PRKD1: variants seen among roughly 807,000 people sequenced by gnomAD.
The protein encoded by PRKD1 is serine/threonine-protein kinase D1.
In PRKD1, 63 loss-of-function variants were observed where a neutral mutation model predicts 95.9. That is an observed-to-expected ratio of 0.66 (90% CI 0.54 to 0.81). The LOEUF (loss-of-function observed/expected upper bound fraction) is 0.81. Ranked by LOEUF, PRKD1 falls within the 30% of genes least tolerant of loss-of-function variation. The pLI is 0.00. For synonymous variants in PRKD1, 425 were observed against 423.1 expected, an observed-to-expected ratio of 1.00 and a Z score of -0.05; for missense variants, 1,048 against 1,165.3, an observed-to-expected ratio of 0.90 and a Z score of 1.47.
intron 4 of PRKD1, among the ~76,000 whole-genome samples, chr14:29,648,296 A>G (rs919283759): frequency 6.9e-6 from 1 of 144,906 alleles, no homozygotes; most frequent in Non-Finnish European, 1.5e-5. Flanking sequence ...GAGCACCACA[A>G]TTTTTTTTTT....
At chr14:29,826,852 T>TACAC (rs1311567989) in intron 1 of PRKD1, among the ~76,000 whole-genome samples, 21 of 92,750 alleles carry the variant, frequency 2.3e-4, no homozygotes, top group Non-Finnish European at 2.7e-4. Flanking sequence ...CACATATATA[T>TACAC]ATATATATAT....
At chr14:29,798,432 T>C (rs1005467053) in intron 1 of PRKD1, among the ~76,000 whole-genome samples, 1 of 152,200 alleles carries the variant, frequency 6.6e-6, no homozygotes, top group Non-Finnish European at 1.5e-5. Context: ...TCTAAAAATC[T>C]TGATGAGTGA....
chr14:29,744,972 C>T, intron 1 of PRKD1, among the ~76,000 whole-genome samples: 1 of 152,302 alleles, frequency 6.6e-6, no homozygotes, highest in East Asian at 1.9e-4. Flanking sequence ...GCCACCTCAT[C>T]TTCTTCTACC....
chr14:29,607,613 A>T lies in PRKD1; in HGVS notation c.1906-7796T>A, dbSNP rs1272581072. The stretch of plus-strand genomic sequence containing the variant: ...AATTCCTCATGATGTTGCTCCCCAC[A>T]TCTAACCAGCTACTGCGTGTGGAGT... On this transcript the variant is annotated intron_variant, in intron 13 of 17. Transcript: ENST00000331968. Among the ~76,000 whole-genome samples, 3 of 152,140 alleles carry T rather than the reference A, an allele frequency of 2.0e-5. No homozygotes were observed. In the East Asian group the frequency reaches 5.8e-4, roughly 29 times the overall value.
chr14:29,774,281 G>T (rs1888638560), intron 1 of PRKD1, among the ~76,000 whole-genome samples: 1 of 152,110 alleles, frequency 6.6e-6, no homozygotes, highest in East Asian at 1.9e-4. Flanking sequence ...TTATATTTAA[G>T]AAATAATTTT....
intron 1 of PRKD1, among the ~76,000 whole-genome samples, chr14:29,882,874 T>C (rs1893562786): frequency 7.0e-6 from 1 of 142,538 alleles, no homozygotes; most frequent in Non-Finnish European, 1.5e-5. Flanking sequence ...TGTGTGTGTG[T>C]GCACGTGTAT....
chr14:29,782,552 T>C (rs973783214), intron 1 of PRKD1, among the ~76,000 whole-genome samples: 1 of 152,178 alleles, frequency 6.6e-6, no homozygotes, highest in Non-Finnish European at 1.5e-5. Flanking sequence ...GCTTTTTTGA[T>C]ACAGGGTCTC....
chr14:29,915,773 G>A (rs1160264690), intron 1 of PRKD1, among the ~76,000 whole-genome samples: 1 of 152,176 alleles, frequency 6.6e-6, no homozygotes, highest in Admixed American at 6.5e-5. Context: ...ACAATAGGAA[G>A]ATTTAAATTT....
At chr14:29,848,290 T>C (rs1002720662) in intron 1 of PRKD1, among the ~76,000 whole-genome samples, 1 of 151,854 alleles carries the variant, frequency 6.6e-6, no homozygotes, top group Non-Finnish European at 1.5e-5. Flanking sequence ...ATTGCACCTC[T>C]CCCCACTCTC....
chr14:29,802,820 C>T (rs1461838249), intron 1 of PRKD1, among the ~76,000 whole-genome samples: 1 of 152,176 alleles, frequency 6.6e-6, no homozygotes, highest in African/African-American at 2.4e-5. Flanking sequence ...ATCTGCTTTG[C>T]AGACATCTTG....
chr14:29,869,612 A>C (rs1184256097), intron 1 of PRKD1, among the ~76,000 whole-genome samples: 1 of 152,186 alleles, frequency 6.6e-6, no homozygotes, highest in Admixed American at 6.6e-5. Flanking sequence ...TTGACACCAC[A>C]AGAGAATTAG....
chr14:29,829,938 T>TA (rs879606087), intron 1 of PRKD1, among the ~76,000 whole-genome samples: 3 of 152,186 alleles, frequency 2.0e-5, no homozygotes, highest in Non-Finnish European at 2.9e-5. Context: ...GCTTTTGTAA[T>TA]AAAAAAATAT....
intron 1 of PRKD1, among the ~76,000 whole-genome samples, chr14:29,766,233 C>G (rs1566588209): frequency 1.3e-5 from 2 of 152,114 alleles, no homozygotes; most frequent in African/African-American, 2.4e-5. Flanking sequence ...TTGGTTCTTA[C>G]TATACAATGC....
intron 1 of PRKD1, among the ~76,000 whole-genome samples, chr14:29,781,452 C>T (rs1889041113): frequency 6.6e-6 from 1 of 152,130 alleles, no homozygotes; most frequent in African/African-American, 2.4e-5. Flanking sequence ...GTCATGCCAT[C>T]AGTTCAGCTA....
At chr14:29,772,443 G>A (rs1295410050) in intron 1 of PRKD1, among the ~76,000 whole-genome samples, 1 of 152,096 alleles carries the variant, frequency 6.6e-6, no homozygotes, top group African/African-American at 2.4e-5. Context: ...GGACTTGTGA[G>A]CAATACATTT....
intron 1 of PRKD1, among the ~76,000 whole-genome samples, chr14:29,916,704 C>T (rs1894901910): frequency 1.3e-5 from 2 of 152,250 alleles, no homozygotes; most frequent in South Asian, 2.1e-4. Context: ...ATGCTAAATG[C>T]AAAGATGATA....
At chr14:29,637,791 C>T (rs1452360443) in intron 6 of PRKD1, among the ~76,000 whole-genome samples, 1 of 152,090 alleles carries the variant, frequency 6.6e-6, no homozygotes, top group South Asian at 2.1e-4. Context: ...TTCTTAGCAA[C>T]AAAAATATTC....
At chr14:29,905,078 T>C (rs1220429177) in intron 1 of PRKD1, among the ~76,000 whole-genome samples, 1 of 152,190 alleles carries the variant, frequency 6.6e-6, no homozygotes, top group Non-Finnish European at 1.5e-5. Context: ...GCCAAATACA[T>C]ACCAATGTAC....
At chr14:29,624,301 C>A in intron 12 of PRKD1, 43 bp from the exon 13 acceptor site, 1 of 1,414,750 alleles carries the variant, frequency 7.1e-7, no homozygotes, top group South Asian at 1.3e-5. Context: ...TATTAAATAT[C>A]ATCTATCTTA....
Sources: allele counts gnomAD v4.1 joint callset (sites outside exome capture counted in the v4.1 genomes callset), GRCh38; gene constraint gnomAD v4.1.1; transcripts MANE v1.5; gene names NCBI Gene and HGNC (gene_info 2026-07-23, HGNC 2026-07-21).